MTUS2: variants seen among roughly 807,000 people sequenced by gnomAD.
MTUS2 encodes the protein microtubule associated scaffold protein 2.
Under a neutral mutation model 114.1 loss-of-function variants are expected in MTUS2, and 40 were observed. The ratio of observed to expected loss-of-function variants is 0.35; its 90% CI spans 0.27 to 0.46. The LOEUF (loss-of-function observed/expected upper bound fraction) is 0.46. Ranked by LOEUF, MTUS2 falls within the 20% of genes least tolerant of loss-of-function variation. MTUS2 has a pLI of 1.00. For synonymous variants in MTUS2, 688 were observed against 672.0 expected (o/e 1.02, Z -0.37); for missense variants, 1,679 against 1,705.4 (o/e 0.98, Z 0.27).
At chr13:28,907,059 A>G (rs918202451) in intron 2 of MTUS2, among the ~76,000 whole-genome samples, 1 of 151,734 alleles carries the variant, frequency 6.6e-6, no homozygotes, top group Non-Finnish European at 1.5e-5. Context: ...ATCTCTCGGC[A>G]GAAACCGTAC....
chr13:29,076,319 G>A (rs919522615), intron 4 of MTUS2, among the ~76,000 whole-genome samples: 1 of 152,286 alleles, frequency 6.6e-6, no homozygotes, highest in East Asian at 1.9e-4. Context: ...CCTCTTCCAA[G>A]TACCAAAATC....
intron 2 of MTUS2, among the ~76,000 whole-genome samples, chr13:28,946,770 C>T (rs1215907855): frequency 6.6e-6 from 1 of 151,832 alleles, no homozygotes; most frequent in Non-Finnish European, 1.5e-5. Context: ...GGCTGGTCTT[C>T]AATTCCTGGC....
At chr13:29,117,972 T>A (rs1366858658) in intron 5 of MTUS2, among the ~76,000 whole-genome samples, 1 of 152,070 alleles carries the variant, frequency 6.6e-6, no homozygotes, top group Non-Finnish European at 1.5e-5. Context: ...AGGCTGGAGG[T>A]CAAAGAGCTG....
intron 5 of MTUS2, among the ~76,000 whole-genome samples, chr13:29,246,113 G>A (rs1000608690): frequency 6.6e-6 from 1 of 152,082 alleles, no homozygotes; most frequent in Non-Finnish European, 1.5e-5. Context: ...TCTTTAAAAA[G>A]CAAGTTCATT....
chr13:29,447,517 G>A (rs758682964), intron 9 of MTUS2, among the ~76,000 whole-genome samples: 2 of 151,620 alleles, frequency 1.3e-5, no homozygotes, highest in African/African-American at 4.8e-5. Context: ...TTTAGGGCTA[G>A]GATAATTACC....
At chr13:29,251,733 A>G (rs978509912) in intron 5 of MTUS2, among the ~76,000 whole-genome samples, 1 of 152,224 alleles carries the variant, frequency 6.6e-6, no homozygotes, top group Non-Finnish European at 1.5e-5. Flanking sequence ...GGTATCTTCA[A>G]GGTTCATCCA....
chr13:29,160,846 G>A (rs1893065920), intron 5 of MTUS2, among the ~76,000 whole-genome samples: 1 of 152,054 alleles, frequency 6.6e-6, no homozygotes, highest in Non-Finnish European at 1.5e-5. Flanking sequence ...ATAGTTCAAG[G>A]GTCAACTGTA....
chr13:29,315,366 A>G (rs2139652969), intron 6 of MTUS2, among the ~76,000 whole-genome samples: 1 of 152,324 alleles, frequency 6.6e-6, no homozygotes, highest in East Asian at 1.9e-4. Context: ...GGTGATGGGT[A>G]TGCTAGTTAT....
intron 9 of MTUS2, among the ~76,000 whole-genome samples, chr13:29,460,662 G>A (rs930119992): frequency 1.3e-5 from 2 of 152,156 alleles, no homozygotes; most frequent in African/African-American, 4.8e-5. Context: ...GTCGTGTTGA[G>A]AAATGTATCC....
intron 2 of MTUS2, among the ~76,000 whole-genome samples, chr13:28,907,177 A>C (rs1362505918): frequency 6.6e-6 from 1 of 151,550 alleles, no homozygotes; most frequent in African/African-American, 2.4e-5. Flanking sequence ...AGGAGAAATA[A>C]AATACTTTAC....
At chr13:29,433,519 A>G (rs1877167232) in intron 8 of MTUS2, among the ~76,000 whole-genome samples, 2 of 152,232 alleles carry the variant, frequency 1.3e-5, no homozygotes, top group African/African-American at 2.4e-5. Context: ...CTTTAAAGCT[A>G]TAATAACTGA....
Position 29,242,141 on chromosome 13 carries a change from G to A in MTUS2, c.2645-39563G>A, listed in dbSNP as rs549779334. Among the ~76,000 whole-genome samples, 189 of 152,242 alleles carry A rather than the reference G, an allele frequency of 1.2e-3. 1 individual carries two copies. Among genetic ancestry groups the A allele is most frequent in the African/African-American group, 4.4e-3 (182 of 41,534 alleles). On this transcript the variant is annotated intron_variant, in intron 5 of 15. Coordinates refer to ENST00000612955, the MANE Select transcript of MTUS2 (RefSeq NM_001033602.4). ...TCACCAGTTTCAGAAGTACACTTCA[G>A]TGACTTTTTGTCAATTTACTGAGTG...
intron 7 of MTUS2, among the ~76,000 whole-genome samples, chr13:29,329,456 CA>C (rs1391537670): frequency 6.6e-6 from 1 of 152,094 alleles, no homozygotes; most frequent in Non-Finnish European, 1.5e-5. Context: ...CATGGCCCTG[CA>C]AAGGACATGA....
At chr13:28,919,694 C>G in intron 2 of MTUS2, among the ~76,000 whole-genome samples, 1 of 152,070 alleles carries the variant, frequency 6.6e-6, no homozygotes, top group Non-Finnish European at 1.5e-5. Context: ...CTCTTTAAGG[C>G]CAAAAAACTC....
intron 2 of MTUS2, among the ~76,000 whole-genome samples, chr13:28,915,994 T>TTA (rs1880723568): frequency 6.6e-6 from 1 of 151,742 alleles, no homozygotes; most frequent in Admixed American, 6.6e-5. Flanking sequence ...AGATAGGGGT[T>TTA]TAGTTTCATT....
intron 5 of MTUS2, among the ~76,000 whole-genome samples, chr13:29,106,518 C>T (rs1424711173): frequency 6.6e-6 from 1 of 152,132 alleles, no homozygotes; most frequent in African/African-American, 2.4e-5. Flanking sequence ...GCTACCACAC[C>T]TAGCTAGTTT....
chr13:28,829,589 T>G (rs940929243), intron 1 of MTUS2, among the ~76,000 whole-genome samples: 1 of 151,698 alleles, frequency 6.6e-6, no homozygotes, highest in Non-Finnish European at 1.5e-5. Flanking sequence ...ACAAAACAGG[T>G]TTAGAGCCCT....
At chr13:29,429,867 C>T (rs1195289337) in intron 8 of MTUS2, among the ~76,000 whole-genome samples, 1 of 152,144 alleles carries the variant, frequency 6.6e-6, no homozygotes, top group East Asian at 1.9e-4. Context: ...CACTTGGGAG[C>T]ATCTTAGTTA....
chr13:29,287,500 A>ATGTGTGTG (rs11395718), intron 6 of MTUS2, among the ~76,000 whole-genome samples: 2 of 151,684 alleles, frequency 1.3e-5, no homozygotes, highest in African/African-American at 2.4e-5. Flanking sequence ...ATCACTCTGT[A>ATGTGTGTG]TGTGTGTGGT....
Sources: allele counts gnomAD v4.1 joint callset (sites outside exome capture counted in the v4.1 genomes callset), GRCh38; gene constraint gnomAD v4.1.1; transcripts MANE v1.5; gene names NCBI Gene and HGNC (gene_info 2026-07-23, HGNC 2026-07-21).